Variants in RHBDF1 observed in about 807,000 individuals in gnomAD.
The protein encoded by RHBDF1 is inactive rhomboid protein 1.
RHBDF1 carries 80 observed loss-of-function variants against 98.6 expected under a neutral mutation model. The ratio of observed to expected loss-of-function variants is 0.81; its 90% confidence interval spans 0.68 to 0.98. The LOEUF (loss-of-function observed/expected upper bound fraction) is 0.98. Among genes scored for constraint, RHBDF1 ranks in the 50% least tolerant of loss-of-function variants. RHBDF1 has a pLI of 0.00. For synonymous variants in RHBDF1, 512 were observed against 486.8 expected (o/e 1.05, Z -0.68); for missense variants, 1,116 against 1,198.3 (o/e 0.93, Z 1.01).
Position 61,386 on chromosome 16 carries a change from G to A in RHBDF1, c.1394C>T (p.Ser465Leu). The change falls in exon 10 of 18, where the codon TCG becomes TTG. Residue 465 changes from serine (S) to leucine (L), a missense_variant and splice_region_variant. Transcript: ENST00000262316. ...CCCCGCCCCCAGCCCCGTCCTCACCGAGCTGGGCCCGATCCAGAAGTTCTC... is the reference window on the plus strand; with the variant it reads ...CCCCGCCCCCAGCCCCGTCCTCACCAAGCTGGGCCCGATCCAGAAGTTCTC... ...QQENFWIGPS[S>L]EALIHLGAKF... is the part of the protein sequence containing the mutation. 1 of 1,536,150 alleles carries A rather than the reference G, an allele frequency of 6.5e-7. No homozygotes were observed. Among genetic ancestry groups the A allele is most frequent in the Non-Finnish European group, 8.8e-7 (1 of 1,132,210 alleles).
At chr16:68,931 T>C (rs774243196) in intron 1 of RHBDF1, among the ~76,000 whole-genome samples, 2 of 152,158 alleles carry the variant, frequency 1.3e-5, no homozygotes, top group East Asian at 1.9e-4. Context: ...AGGCTGATGC[T>C]TGGGCCCCAT....
rs1452864978 is a variant in RHBDF1 at position 61,228 on chromosome 16, C to T, written c.1449G>A (p.Pro483=). Residue 483 remains proline, a synonymous_variant, in exon 11 of 18, where the codon CCG becomes CCA. Coordinates refer to ENST00000262316, the MANE Select transcript of RHBDF1 (RefSeq NM_022450.5). ...AKFSPCMRQD[P]QVHSFIRSAR... ...CCGAGCGAATGAAGCTGTGCACCTG[C>T]GGGTCCTGGCGCATGCAGGGCGAAA... 6.5e-7 allele frequency: 1 copy of T among 1,545,828 alleles called. No homozygotes were observed. Among genetic ancestry groups the T allele is most frequent in the South Asian group, 1.2e-5 (1 of 83,950 alleles).
At position 63,144 on chromosome 16, in the gene RHBDF1, C is replaced by T. The variant is rs746212306; in HGVS notation, c.501G>A (p.Val167=). Residue 167 remains valine (V), a synonymous_variant, in exon 5 of 18, where the codon GTG becomes GTA. Coordinates refer to ENST00000262316, the MANE Select transcript of RHBDF1 (RefSeq NM_022450.5). ...DPLARGRAFR[V]ADDTAEGLSA... ...TCAGGCCTTCCGCAGTGTCATCTGC[C>T]ACACGGAAGGCACGGCCACGGGCCA... 5.6e-6 allele frequency: 9 copies of T among 1,595,990 alleles called. 1 individual carries two copies. The South Asian group carries it at 1.0e-4, about 18-fold the overall frequency.
rs1365680145 is a variant in RHBDF1, at chr16:61,401, CAGA to C, written c.1376_1378del (p.Phe459del). ...CGTCCTCACCGAGCTGGGCCCGATC[CAGA>C]AGTTCTCCTGCTGCACGTACTTGAC... On this transcript the variant is annotated inframe_deletion, in exon 10 of 18. Coordinates refer to ENST00000262316, the MANE Select transcript of RHBDF1 (RefSeq NM_022450.5). 6.2e-7 allele frequency: 1 copy of C among 1,611,728 alleles called. No homozygotes were observed. The highest frequency in any genetic ancestry group is 8.5e-7 in the Non-Finnish European group (1 of 1,179,632).
chr16:59,867 C>CA, intron 13 of RHBDF1, 41 bp from the exon 14 acceptor site: 30 of 1,613,496 alleles, frequency 1.9e-5, no homozygotes, highest in Non-Finnish European at 2.5e-5. Flanking sequence ...GGGCCTCCCC[C>CA]AACCTTTGGC....
chr16:63,240 A>G, intron 4 of RHBDF1, 58 bp from the exon 5 acceptor site: 14 of 1,395,486 alleles, frequency 1.0e-5, no homozygotes, highest in Non-Finnish European at 1.4e-5. Context: ...GCTCACCCAG[A>G]GGCACAGAGG....
At chr16:64,410 G>A (rs1157881713) in intron 3 of RHBDF1, 2 of 1,419,798 alleles carry the variant, frequency 1.4e-6, no homozygotes, top group Non-Finnish European at 9.4e-7. Flanking sequence ...GGGGCAGAGT[G>A]TGGACACGCC....
At chr16:73,155 A>C (rs1898021231), upstream of RHBDF1, among the ~76,000 whole-genome samples, 1 of 152,158 alleles carries the variant, frequency 6.6e-6, no homozygotes, top group Non-Finnish European at 1.5e-5. Flanking sequence ...TCATGCGTTC[A>C]TTCGCCTGCA....
chr16:75,218 G>A (rs895637408), upstream of RHBDF1, among the ~76,000 whole-genome samples: 2 of 152,184 alleles, frequency 1.3e-5, no homozygotes, highest in Non-Finnish European at 2.9e-5. Flanking sequence ...CACTCCCGGG[G>A]CTGGTGGGCA....
At chr16:75,514 G>C (rs536243896), upstream of RHBDF1, among the ~76,000 whole-genome samples, 6 of 152,212 alleles carry the variant, frequency 3.9e-5, no homozygotes, top group African/African-American at 1.2e-4. Context: ...GGCTATTTGG[G>C]GAAGAGGCAG....
Position 64,248 on chromosome 16 carries a change from G to C in RHBDF1, c.249-448C>G, listed in dbSNP as rs1045150127. ...CCTGCCGTTAGGAGCCCCAGGGAAT[G>C]CCAACCACACTGGCAGCTCCCAAGA... On this transcript the variant is annotated intron_variant, in intron 3 of 17. Coordinates refer to ENST00000262316, the MANE Select transcript of RHBDF1 (RefSeq NM_022450.5). 21 of 1,332,746 alleles carry C rather than the reference G, an allele frequency of 1.6e-5. No homozygotes were observed. The African/African-American group carries it at 3.0e-4, about 19-fold the overall frequency. 82.6% of individuals were successfully genotyped at this position (1,332,746 alleles called of 1,614,324 possible).
chr16:61,042 A>G, intron 11 of RHBDF1, 78 bp downstream of exon 11: 1 of 1,436,666 alleles, frequency 7.0e-7, no homozygotes. Flanking sequence ...GCGAAGGATC[A>G]CTCTGCCGAG....
chr16:64,367 G>T (rs1381373982), intron 3 of RHBDF1: 2 of 1,377,084 alleles, frequency 1.5e-6, no homozygotes, highest in East Asian at 8.3e-5. Flanking sequence ...TGGCGCTGTG[G>T]GAAGGCCCTG....
In RHBDF1 at chr16:58,289, T is replaced by C. The variant is rs770021332; in HGVS notation, c.*51A>G. ...AAGCCTGTGAGGCTCAGGGAGGTCG[T>C]GTCTGGCTCTGGCCTGCTGGAGCAC... On this transcript the variant is annotated 3_prime_UTR_variant, in exon 18 of 18. Transcript: ENST00000262316. 1.3e-6 allele frequency: 2 copies of C among 1,563,478 alleles called. No homozygotes were observed. The highest frequency in any genetic ancestry group is 1.7e-6 in the Non-Finnish European group (2 of 1,152,632).
At position 61,133 on chromosome 16, in the gene RHBDF1, T is replaced by G. The variant is rs1335424609; in HGVS notation, c.1544A>C (p.Glu515Ala). Reference protein sequence around the residue: ...NDRSGCVQTSEEECSSTLAVW... With the variant: ...NDRSGCVQTSAEECSSTLAVW... ...GGGGAAACGCACCGAGCACTCCTCC[T>G]CCGAGGTCTGCACGCAGCCCGACCT... is the stretch of plus-strand genomic sequence containing the variant. The change falls in exon 11 of 18, where the codon GAG becomes GCG. Residue 515 changes from glutamate to alanine, a missense_variant. Glu to Ala is a moderately radical substitution (Grantham distance 107, BLOSUM62 -1). Coordinates refer to ENST00000262316, the MANE Select transcript of RHBDF1 (RefSeq NM_022450.5). The G allele has an allele frequency of 2.0e-6, 3 of 1,533,502 alleles. No individual in the cohort carries two copies. The highest frequency in any genetic ancestry group is 2.6e-6 in the Non-Finnish European group (3 of 1,142,682). The allele number at this position is 1,533,502 out of a possible 1,614,324, so 95.0% of individuals were successfully genotyped here. A position where few individuals can be genotyped will look rare whatever the true frequency, so the allele number is the denominator to read the frequency against.
At chr16:74,367 C>T (rs1898047213), upstream of RHBDF1, among the ~76,000 whole-genome samples, 1 of 152,354 alleles carries the variant, frequency 6.6e-6, no homozygotes, top group East Asian at 1.9e-4. Context: ...AGCTGGGCAT[C>T]TGGTGTCAGC....
Position 58,080 on chromosome 16 carries a change from C to T in RHBDF1, c.*260G>A, listed in dbSNP as rs898759949. On this transcript the variant is annotated 3_prime_UTR_variant, in exon 18 of 18. Transcript: ENST00000262316. ...CTGGTCAAGTTAATGGCAGCTAAAA[C>T]GCTCCCAGTCCATTTATTGGCCACA... 3.1e-5 allele frequency: 13 copies of T among 424,428 alleles called. No homozygotes were observed. The highest frequency in any genetic ancestry group is 1.0e-4 in the African/African-American group (5 of 50,066). 26.3% of individuals were successfully genotyped at this position (424,428 alleles called of 1,614,324 possible). A position where few individuals can be genotyped will look rare whatever the true frequency, so the allele number is the denominator to read the frequency against.
intron 4 of RHBDF1, 58 bp downstream of exon 4, chr16:63,529 C>A (rs1897724116): frequency 2.1e-6 from 3 of 1,401,188 alleles, no homozygotes; most frequent in South Asian, 1.3e-5. Flanking sequence ...GTGTCCGCAG[C>A]CCCAGCCCCT....
rs917853450 is a variant in RHBDF1, at chr16:60,475, T to C, written c.1622A>G (p.Lys541Arg). The change falls in exon 12 of 18, where the codon AAG becomes AGG. Residue 541 changes from lysine (K) to arginine (R), a missense_variant. Coordinates refer to ENST00000262316, the MANE Select transcript of RHBDF1 (RefSeq NM_022450.5). ...GTGGCAGACAGAGCCAAACTGTCTC[T>C]TGTGGCCCGCAAGCTCTGGGGCGCT... ...HPSAPELAGH[K>R]RQFGSVCHQD... The C allele has an allele frequency of 1.1e-5, 17 of 1,612,106 alleles. No individual in the cohort carries two copies. The highest frequency in any genetic ancestry group is 1.7e-5 in the Admixed American group (1 of 60,000).
Sources: allele counts gnomAD v4.1 joint callset (sites outside exome capture counted in the v4.1 genomes callset), GRCh38; gene constraint gnomAD v4.1.1; transcripts MANE v1.5; gene names NCBI Gene and HGNC (gene_info 2026-07-23, HGNC 2026-07-21).